Variants in ARRDC2 observed in about 807,000 individuals in gnomAD.
ARRDC2 encodes arrestin domain-containing protein 2.
A neutral mutation model predicts 38.9 loss-of-function variants in ARRDC2; 39 were observed. The observed-to-expected ratio is 1.00, with a 90% CI of 0.78 to 1.31. The LOEUF is 1.31. Among genes scored for constraint, ARRDC2 ranks in the 50% most tolerant of loss-of-function variants. The pLI is 0.00. For synonymous variants in ARRDC2, 300 were observed against 261.9 expected, an observed-to-expected ratio of 1.15 and a Z score of -1.41; for missense variants, 553 against 588.4, an observed-to-expected ratio of 0.94 and a Z score of 0.62.
intron 3 of ARRDC2, 190 bp from the exon 4 acceptor site, chr19:18,009,402 T>C (rs978467387): frequency 3.1e-6 from 2 of 636,998 alleles, no homozygotes; most frequent in African/African-American, 3.7e-5. Flanking sequence ...ACTTGGCTTA[T>C]ACATTTCATT....
rs769380394 is a variant in ARRDC2, at chr19:18,009,814, C to T, written c.624C>T (p.Asp208=). ...TCATCCCTGTCTTTGCCGAGATCGACAACGGCTCCACACGTCCTGTGCTGC... is the reference window on the plus strand; with the variant it reads ...TCATCCCTGTCTTTGCCGAGATCGATAACGGCTCCACACGTCCTGTGCTGC... ...GEVIPVFAEI[D]NGSTRPVLPR... Residue 208 remains aspartate (D), a synonymous_variant, in exon 5 of 8, where the codon GAC becomes GAT. Coordinates refer to ENST00000222250, the MANE Select transcript of ARRDC2 (RefSeq NM_015683.2). 14 of 1,612,434 alleles carry T rather than the reference C, an allele frequency of 8.7e-6. No individual in the cohort carries two copies. The highest frequency in any genetic ancestry group is 1.3e-5 in the African/African-American group (1 of 74,938).
chr19:18,004,949 C>T (rs934391539), upstream of ARRDC2, among the ~76,000 whole-genome samples: 1 of 150,724 alleles, frequency 6.6e-6, no homozygotes, highest in Non-Finnish European at 1.5e-5. Flanking sequence ...CGCGCCACTG[C>T]ACTCCAGCCT....
upstream of ARRDC2, among the ~76,000 whole-genome samples, chr19:18,005,332 C>T (rs1205034960): frequency 6.6e-6 from 1 of 152,074 alleles, no homozygotes; most frequent in Non-Finnish European, 1.5e-5. Flanking sequence ...AACAGGATCA[C>T]AAAGCAGAAG....
chr19:18,003,348 C>T (rs1174986992), upstream of ARRDC2, among the ~76,000 whole-genome samples: 1 of 150,438 alleles, frequency 6.6e-6, no homozygotes, highest in Admixed American at 6.6e-5. Flanking sequence ...CTCACTGCAA[C>T]CTCTGCCTCC....
intron 6 of ARRDC2, 54 bp from the exon 7 acceptor site, chr19:18,010,518 C>G (rs1284445100): frequency 1.9e-6 from 3 of 1,593,032 alleles, no homozygotes; most frequent in Non-Finnish European, 2.6e-6. Flanking sequence ...CCCCTGGTCC[C>G]TTGGAGCAGG....
At chr19:18,010,428 T>G (rs1430075988) in intron 6 of ARRDC2, 70 bp downstream of exon 6, 5 of 1,569,998 alleles carry the variant, frequency 3.2e-6, no homozygotes, top group Non-Finnish European at 3.4e-6. Context: ...GGGTCAACTC[T>G]CTCACCACGA....
At chr19:18,005,444 C>T (rs930481834), upstream of ARRDC2, among the ~76,000 whole-genome samples, 9 of 152,256 alleles carry the variant, frequency 5.9e-5, no homozygotes, top group Admixed American at 4.6e-4. Context: ...CCCACCTTTC[C>T]CCCCTTTCTA....
In ARRDC2 at chr19:18,008,210, G is replaced by A. The variant is rs899155822; in HGVS notation, c.-101G>A. On this transcript the variant is annotated 5_prime_UTR_variant, in exon 1 of 8. Coordinates refer to ENST00000222250, the MANE Select transcript of ARRDC2 (RefSeq NM_015683.2). ...TTGGTGAGCGCGCCTGCGCGTTGAC[G>A]GCGATTTTGCGTTCTGAGGCTGCAG... The A allele has an allele frequency of 2.0e-6, 3 of 1,508,250 alleles. No individual in the cohort carries two copies. Among genetic ancestry groups the A allele is most frequent in the Non-Finnish European group, 2.6e-6 (3 of 1,140,256 alleles). The allele number at this position is 1,508,250 out of a possible 1,614,324, so 93.4% of individuals were successfully genotyped here. A position where few individuals can be genotyped will look rare whatever the true frequency, so the allele number is the denominator to read the frequency against.
intron 7 of ARRDC2, among the ~76,000 whole-genome samples, chr19:18,011,934 G>GTGTGTATATATATA (rs944958651): frequency 5.8e-5 from 4 of 68,384 alleles, no homozygotes; most frequent in Non-Finnish European, 8.3e-5. Flanking sequence ...GTGTATATGT[G>GTGTGTATATATATA]TATATATATA....
At chr19:18,008,027 G>GT (rs2033314834), upstream of ARRDC2, 5 of 838,326 alleles carry the variant, frequency 6.0e-6, no homozygotes, top group South Asian at 1.0e-4. Flanking sequence ...GAGCAGGGGC[G>GT]TTTGTTATTT....
rs780507396 is a variant in ARRDC2, at chr19:18,008,543, G to T, written c.233G>T (p.Arg78Leu). 15 of 1,560,350 alleles carry T rather than the reference G, an allele frequency of 9.6e-6. No individual in the cohort carries two copies. The Admixed American group carries it at 1.5e-4, about 16-fold the overall frequency. Reference protein sequence around the residue: ...STAYTQSYSERVEVVSHRATL... With the variant: ...STAYTQSYSELVEVVSHRATL... ...GCTTACACGCAGAGCTACAGTGAAC[G>T]CGTGGAGGTCGTGAGCCACCGCGCC... The change falls in exon 1 of 8, where the codon CGC becomes CTC. Residue 78 changes from arginine (R) to leucine (L), a missense_variant. Around this residue, in one of 3 missense-constraint regions of ARRDC2, gnomAD observed 447 missense variants for 456.6 expected, o/e 0.98. Coordinates refer to ENST00000222250, the MANE Select transcript of ARRDC2 (RefSeq NM_015683.2).
At chr19:18,006,094 C>T (rs1014609325), upstream of ARRDC2, among the ~76,000 whole-genome samples, 9 of 151,638 alleles carry the variant, frequency 5.9e-5, no homozygotes, top group African/African-American at 2.2e-4. Flanking sequence ...GCGCTCCTCA[C>T]TTCCTAGGTG....
chr19:18,003,521 C>T (rs1478458504), upstream of ARRDC2, among the ~76,000 whole-genome samples: 1 of 151,806 alleles, frequency 6.6e-6, no homozygotes, highest in Non-Finnish European at 1.5e-5. Flanking sequence ...GTGGCGCCGG[C>T]GCAATCTTGG....
At chr19:18,001,207 A>C in exon 1 of ARRDC2, 9 of 1,060,552 alleles carry the variant, frequency 8.5e-6, no homozygotes, top group Admixed American at 5.1e-5. Flanking sequence ...GCCCGGAGGA[A>C]GCTTGGGGGA....
chr19:18,006,446 G>A (rs924634388), upstream of ARRDC2, among the ~76,000 whole-genome samples: 4 of 152,222 alleles, frequency 2.6e-5, no homozygotes, highest in African/African-American at 4.8e-5. Context: ...CCAACACAGC[G>A]AAACCCCTTC....
chr19:18,005,138 C>G (rs1290039191), upstream of ARRDC2, among the ~76,000 whole-genome samples: 2 of 151,752 alleles, frequency 1.3e-5, no homozygotes, highest in East Asian at 3.9e-4. Context: ...TCTGGTTTTC[C>G]TAGGCAGAGT....
In ARRDC2 at chr19:18,008,414, T is replaced by C; in HGVS notation, c.104T>C (p.Leu35Pro). 6.3e-7 allele frequency: 1 copy of C among 1,594,470 alleles called. No homozygotes were observed. Among genetic ancestry groups the C allele is most frequent in the Non-Finnish European group, 8.5e-7 (1 of 1,177,920 alleles). ...GGCCAGGCCGTGGCGGGCCGGGTGCTGCTGGAGCTGTCAAGCGCCGCGCGT... is the reference window on the plus strand; with the variant it reads ...GGCCAGGCCGTGGCGGGCCGGGTGCCGCTGGAGCTGTCAAGCGCCGCGCGT... ...SGGQAVAGRVLLELSSAARVG... is the reference protein window; with the variant it reads ...SGGQAVAGRVPLELSSAARVG... Residue 35 changes from leucine (L) to proline (P), a missense_variant, in exon 1 of 8, where the codon CTG becomes CCG. Physicochemically the swap from Leu to Pro is moderately conservative, Grantham distance 98 (BLOSUM62 -3). Around this residue, in one of 3 missense-constraint regions of ARRDC2, gnomAD observed 447 missense variants for 456.6 expected, o/e 0.98. Transcript: ENST00000222250.
At position 18,008,747 on chromosome 19, in the gene ARRDC2, A is replaced by G. The variant is rs1323747500; in HGVS notation, c.311A>G (p.His104Arg). The G allele has an allele frequency of 6.2e-7, 1 of 1,613,572 alleles. No homozygotes were observed. The highest frequency in any genetic ancestry group is 1.3e-5 in the African/African-American group (1 of 75,030). The change falls in exon 2 of 8, where the codon CAT becomes CGT. Residue 104 changes from histidine to arginine, a missense_variant. Physicochemically the swap from His to Arg is conservative, Grantham distance 29 (BLOSUM62 0). Coordinates refer to ENST00000222250, the MANE Select transcript of ARRDC2 (RefSeq NM_015683.2). ...GETTTLPPGRHEFLFSFQLPP... is the reference protein window; with the variant it reads ...GETTTLPPGRREFLFSFQLPP... ...ACCACGACGCTGCCTCCTGGGCGCCATGAGTTCCTGTTCAGCTTCCAGCTG... is the reference window on the plus strand; with the variant it reads ...ACCACGACGCTGCCTCCTGGGCGCCGTGAGTTCCTGTTCAGCTTCCAGCTG...
At chr19:18,012,773 C>G in intron 7 of ARRDC2, 140 bp from the exon 8 acceptor site, 1 of 804,542 alleles carries the variant, frequency 1.2e-6, no homozygotes, top group Non-Finnish European at 2.0e-6. Flanking sequence ...TCCTTGCACC[C>G]CAGTCTGCCC....
Sources: allele counts gnomAD v4.1 joint callset (sites outside exome capture counted in the v4.1 genomes callset), GRCh38; gene constraint gnomAD v4.1.1; regional missense constraint gnomAD v4.1.1; transcripts MANE v1.5; gene names NCBI Gene and HGNC (gene_info 2026-07-23, HGNC 2026-07-21).